Variants in EBF1 observed in about 807,000 individuals in gnomAD.
EBF1 encodes the protein transcription factor COE1.
Under a neutral mutation model 68.4 loss-of-function variants are expected in EBF1, and 10 were observed. The observed-to-expected ratio is 0.15, with a 90% CI of 0.09 to 0.25. EBF1 has a LOEUF of 0.25. EBF1 is among the 10% of genes least tolerant of loss of function. The pLI, the probability that EBF1 is intolerant of heterozygous loss-of-function variation, is 1.00. For missense variants in EBF1, 509 were observed against 794.4 expected (o/e 0.64, Z 4.32); for synonymous variants, 298 against 299.8 (o/e 0.99, Z 0.06).
At chr5:158,948,403 G>A (rs1481248183) in intron 6 of EBF1, among the ~76,000 whole-genome samples, 1 of 152,264 alleles carries the variant, frequency 6.6e-6, no homozygotes, top group East Asian at 1.9e-4. Flanking sequence ...TGTAGCAGGG[G>A]CATTATTCAA....
At chr5:158,754,757 G>C (rs1171478061) in intron 10 of EBF1, among the ~76,000 whole-genome samples, 2 of 151,952 alleles carry the variant, frequency 1.3e-5, no homozygotes, top group Non-Finnish European at 2.9e-5. Context: ...ACCTGACAAA[G>C]ACCCCCAAAT....
chr5:158,816,043 C>T (rs1783674275), intron 8 of EBF1, among the ~76,000 whole-genome samples: 1 of 152,224 alleles, frequency 6.6e-6, no homozygotes, highest in African/African-American at 2.4e-5. Context: ...ATGCCACCCT[C>T]AGTCACAAAA....
At chr5:158,869,472 T>A (rs1043288927) in intron 6 of EBF1, among the ~76,000 whole-genome samples, 1 of 152,080 alleles carries the variant, frequency 6.6e-6, no homozygotes, top group Admixed American at 6.6e-5. Context: ...CATCATTTCA[T>A]TGCATGAAAT....
At chr5:158,844,737 A>G (rs1000661740) in intron 6 of EBF1, among the ~76,000 whole-genome samples, 10 of 152,238 alleles carry the variant, frequency 6.6e-5, no homozygotes, top group Admixed American at 1.3e-4. Flanking sequence ...TTAGTCTACT[A>G]CCTCAAATGG....
intron 6 of EBF1, among the ~76,000 whole-genome samples, chr5:158,925,478 C>T (rs1355565926): frequency 2.0e-5 from 3 of 152,300 alleles, no homozygotes; most frequent in African/African-American, 2.4e-5. Context: ...CCAATGGATG[C>T]ATGGAGAAGT....
intron 8 of EBF1, among the ~76,000 whole-genome samples, chr5:158,817,996 ACCT>A (rs1452332274): frequency 6.6e-6 from 1 of 152,148 alleles, no homozygotes; most frequent in African/African-American, 2.4e-5. Context: ...CTCCAAAGTC[ACCT>A]CCTGCAGAAA....
At chr5:158,933,649 A>C (rs1001964543) in intron 6 of EBF1, among the ~76,000 whole-genome samples, 1 of 152,240 alleles carries the variant, frequency 6.6e-6, no homozygotes, top group Admixed American at 6.5e-5. Context: ...TTGCTTAGTA[A>C]TTCTGCCACT....
chr5:158,997,218 A>T (rs1761593823), intron 6 of EBF1, among the ~76,000 whole-genome samples: 1 of 152,178 alleles, frequency 6.6e-6, no homozygotes, highest in Admixed American at 6.5e-5. Flanking sequence ...GCAACATCTT[A>T]CAAGAGTGGG....
At chr5:158,746,680 C>G (rs1386872219) in intron 10 of EBF1, among the ~76,000 whole-genome samples, 2 of 152,186 alleles carry the variant, frequency 1.3e-5, no homozygotes, top group Admixed American at 6.5e-5. Flanking sequence ...TATACTCTCT[C>G]TATAATCTTC....
chr5:159,028,401 C>T (rs1393169560), intron 6 of EBF1, among the ~76,000 whole-genome samples: 1 of 152,072 alleles, frequency 6.6e-6, no homozygotes, highest in Non-Finnish European at 1.5e-5. Context: ...GTAATGGTAC[C>T]GTACTAGAGG....
rs1303918376 is a variant in EBF1, at chr5:159,091,018, A to G, written c.411+4602T>C. Reference sequence around the variant, plus strand: ...TAAAACCAGATCATTCTTGCTCAACAACTATGTAGACAATTCACCAATGTC... The same window carrying G: ...TAAAACCAGATCATTCTTGCTCAACGACTATGTAGACAATTCACCAATGTC... On this transcript the variant is annotated intron_variant, in intron 4 of 15. Transcript: ENST00000313708. Among the ~76,000 whole-genome samples the G allele has an allele frequency of 2.0e-5, 3 of 152,182 alleles. No homozygotes were observed. In the East Asian group the frequency reaches 5.8e-4, roughly 29 times the overall value.
At chr5:158,835,277 C>T (rs926357813) in intron 7 of EBF1, among the ~76,000 whole-genome samples, 9 of 152,150 alleles carry the variant, frequency 5.9e-5, no homozygotes, top group Non-Finnish European at 1.2e-4. Flanking sequence ...GGGTGATTTA[C>T]TCATGCCCCA....
chr5:158,839,952 C>G (rs964994536), intron 7 of EBF1, 77 bp downstream of exon 7: 2 of 1,441,348 alleles, frequency 1.4e-6, no homozygotes, highest in African/African-American at 2.8e-5. Context: ...AGCTACGTAT[C>G]TTCTGCCTAA....
chr5:158,903,171 T>C (rs914280889), intron 6 of EBF1, among the ~76,000 whole-genome samples: 4 of 152,170 alleles, frequency 2.6e-5, no homozygotes, highest in South Asian at 2.1e-4. Context: ...GCCTGTCGCA[T>C]TGGATTGTGA....
At chr5:158,912,761 A>T (rs1232568061) in intron 6 of EBF1, among the ~76,000 whole-genome samples, 3 of 152,136 alleles carry the variant, frequency 2.0e-5, no homozygotes, top group African/African-American at 7.2e-5. Flanking sequence ...ATTCCACCTC[A>T]TTAGCTCTGT....
intron 6 of EBF1, among the ~76,000 whole-genome samples, chr5:158,843,157 G>T (rs1345453741): frequency 2.0e-5 from 3 of 152,124 alleles, no homozygotes; most frequent in African/African-American, 7.2e-5. Flanking sequence ...CCCCCTGCTT[G>T]CTTCCCCAGG....
At chr5:159,085,604 G>A (rs1380677656) in intron 4 of EBF1, among the ~76,000 whole-genome samples, 1 of 152,208 alleles carries the variant, frequency 6.6e-6, no homozygotes, top group African/African-American at 2.4e-5. Context: ...GGGCTCTGCA[G>A]TGGGCTACAT....
chr5:158,988,583 C>T (rs1004895466), intron 6 of EBF1, among the ~76,000 whole-genome samples: 2 of 152,168 alleles, frequency 1.3e-5, no homozygotes, highest in Non-Finnish European at 2.9e-5. Context: ...CTGCCTAATA[C>T]ACCCACCACC....
intron 8 of EBF1, among the ~76,000 whole-genome samples, chr5:158,802,222 G>C (rs1268537807): frequency 6.6e-6 from 1 of 152,034 alleles, no homozygotes; most frequent in Non-Finnish European, 1.5e-5. Context: ...CCCAGGTTCA[G>C]CATTTATCAT....
Sources: gnomAD v4.1 joint callset for allele counts (sites outside exome capture counted in the v4.1 genomes callset) on GRCh38, gnomAD v4.1.1 for gene constraint, MANE v1.5 for transcripts, NCBI Gene and HGNC (gene_info 2026-07-23, HGNC 2026-07-21) for gene names.